SPOCK3: variants seen among roughly 807,000 people sequenced by gnomAD.
SPOCK3 encodes testican-3.
In SPOCK3, 30 loss-of-function variants were observed where a neutral mutation model predicts 56.6. That is an observed-to-expected ratio of 0.53 (90% CI 0.40 to 0.72). SPOCK3 has a LOEUF of 0.72. SPOCK3 is among the 30% of genes least tolerant of loss of function. The pLI is 0.00. For missense variants in SPOCK3, 527 were observed against 530.0 expected, an observed-to-expected ratio of 0.99 and a Z score of 0.06; for synonymous variants, 196 against 183.3, an observed-to-expected ratio of 1.07 and a Z score of -0.56.
chr4:167,058,445 G>GAA (rs1755165111), intron 3 of SPOCK3, among the ~76,000 whole-genome samples: 1 of 152,118 alleles, frequency 6.6e-6, no homozygotes, highest in Non-Finnish European at 1.5e-5. Flanking sequence ...ACTTACAAGG[G>GAA]ATGTGAAGGA....
At chr4:167,131,121 G>A (rs574691371) in intron 2 of SPOCK3, among the ~76,000 whole-genome samples, 2 of 151,812 alleles carry the variant, frequency 1.3e-5, no homozygotes, top group African/African-American at 2.4e-5. Context: ...CAAACACACC[G>A]AGACATGAAC....
At chr4:166,911,595 T>C (rs2127095051) in intron 5 of SPOCK3, among the ~76,000 whole-genome samples, 1 of 152,324 alleles carries the variant, frequency 6.6e-6, no homozygotes, top group East Asian at 1.9e-4. Context: ...TGGAGTACAA[T>C]GGCGCAATCT....
chr4:167,186,026 C>T (rs879517787), intron 2 of SPOCK3, among the ~76,000 whole-genome samples: 3 of 151,766 alleles, frequency 2.0e-5, no homozygotes, highest in Non-Finnish European at 2.9e-5. Flanking sequence ...CAACAGAGCT[C>T]TAAAGATATA....
rs193200279 is a variant in SPOCK3, at chr4:167,142,329, G to A, written c.190-79792C>T. On this transcript the variant is annotated intron_variant, in intron 2 of 10. Transcript: ENST00000357545. The stretch of plus-strand genomic sequence containing the variant: ...TGGCAACCACACTAAGGCATAATAG[G>A]TTGATGCAGTAAGATTCAATCAGCA... Among the ~76,000 whole-genome samples, 129 of 151,934 alleles carry A rather than the reference G, an allele frequency of 8.5e-4. No homozygotes were observed. The East Asian group carries it at 0.022, about 25-fold the overall frequency.
chr4:166,960,012 C>A (rs1054502314), intron 4 of SPOCK3, among the ~76,000 whole-genome samples: 1 of 152,042 alleles, frequency 6.6e-6, no homozygotes, highest in African/African-American at 2.4e-5. Context: ...GGAGCTATTT[C>A]ATAATGTTAC....
At chr4:166,820,463 T>A (rs1744810188) in intron 6 of SPOCK3, among the ~76,000 whole-genome samples, 1 of 152,026 alleles carries the variant, frequency 6.6e-6, no homozygotes, top group Admixed American at 6.6e-5. Context: ...TTTAGGGTCA[T>A]ACAGCTGTTA....
At chr4:167,016,728 G>C (rs1247400638) in intron 3 of SPOCK3, among the ~76,000 whole-genome samples, 4 of 151,940 alleles carry the variant, frequency 2.6e-5, no homozygotes, top group Non-Finnish European at 1.5e-5. Flanking sequence ...TTTTGCTAGA[G>C]ATAGGGTTTC....
chr4:167,044,451 T>C (rs1753533022), intron 3 of SPOCK3, among the ~76,000 whole-genome samples: 1 of 151,996 alleles, frequency 6.6e-6, no homozygotes, highest in Non-Finnish European at 1.5e-5. Flanking sequence ...TATTATTTTT[T>C]TCTCCTTCTT....
At chr4:167,003,887 T>G (rs770730557) in intron 3 of SPOCK3, among the ~76,000 whole-genome samples, 8 of 152,072 alleles carry the variant, frequency 5.3e-5, no homozygotes, top group Admixed American at 2.0e-4. Flanking sequence ...CAGTGTAGGA[T>G]CTCCCTCAAT....
intron 3 of SPOCK3, among the ~76,000 whole-genome samples, chr4:167,021,860 A>G (rs1751216961): frequency 6.6e-6 from 1 of 152,038 alleles, no homozygotes; most frequent in Admixed American, 6.6e-5. Flanking sequence ...ATCTCTCAGT[A>G]ATAGAAAATG....
intron 2 of SPOCK3, among the ~76,000 whole-genome samples, chr4:167,196,753 T>C (rs909087154): frequency 2.6e-5 from 4 of 152,046 alleles, no homozygotes; most frequent in Non-Finnish European, 4.4e-5. Context: ...TTTTATATTA[T>C]CAGGGTCCAC....
At chr4:166,995,430 A>C (rs1748259011) in intron 4 of SPOCK3, among the ~76,000 whole-genome samples, 1 of 152,068 alleles carries the variant, frequency 6.6e-6, no homozygotes, top group Admixed American at 6.6e-5. Flanking sequence ...TCGTCATCCT[A>C]ACTAAAATAA....
chr4:166,744,895 A>C (rs1020975546), intron 8 of SPOCK3, among the ~76,000 whole-genome samples: 3 of 152,174 alleles, frequency 2.0e-5, no homozygotes, highest in African/African-American at 7.2e-5. Flanking sequence ...CAGTGATTGA[A>C]GATCAAATGA....
At chr4:167,043,555 T>A (rs1753425110) in intron 3 of SPOCK3, among the ~76,000 whole-genome samples, 1 of 152,058 alleles carries the variant, frequency 6.6e-6, no homozygotes, top group Non-Finnish European at 1.5e-5. Flanking sequence ...TAATTAGGTA[T>A]GATGGTAGCT....
intron 2 of SPOCK3, among the ~76,000 whole-genome samples, chr4:167,223,293 T>G (rs1175643894): frequency 1.4e-5 from 2 of 143,850 alleles, no homozygotes; most frequent in African/African-American, 5.1e-5. Flanking sequence ...TATTTATATA[T>G]TCATTTATAA....
At chr4:166,850,091 G>A (rs772364184) in intron 6 of SPOCK3, among the ~76,000 whole-genome samples, 4 of 152,182 alleles carry the variant, frequency 2.6e-5, no homozygotes, top group Admixed American at 1.3e-4. Context: ...TTTTGCAGGG[G>A]TATATCCCAG....
intron 4 of SPOCK3, among the ~76,000 whole-genome samples, chr4:166,934,360 T>C (rs1016100208): frequency 1.3e-5 from 2 of 148,314 alleles, no homozygotes; most frequent in Non-Finnish European, 3.0e-5. Flanking sequence ...TCGTCAGGTG[T>C]GGTGGGGGGC....
intron 3 of SPOCK3, among the ~76,000 whole-genome samples, chr4:167,058,579 G>A (rs958188626): frequency 6.6e-6 from 1 of 152,080 alleles, no homozygotes; most frequent in Non-Finnish European, 1.5e-5. Context: ...TACTGCCCAA[G>A]GTAATTTATA....
chr4:166,781,202 C>T (rs1278506659), intron 7 of SPOCK3, among the ~76,000 whole-genome samples: 1 of 152,070 alleles, frequency 6.6e-6, no homozygotes, highest in African/African-American at 2.4e-5. Context: ...CAACAATAAA[C>T]ACGGCCAAGA....
Sources: allele counts gnomAD v4.1 joint callset (sites outside exome capture counted in the v4.1 genomes callset), GRCh38; gene constraint gnomAD v4.1.1; transcripts MANE v1.5; gene names NCBI Gene and HGNC (gene_info 2026-07-23, HGNC 2026-07-21).